The following PDE1C variants were observed in gnomAD, a reference collection of about 807,000 sequenced individuals.
The protein encoded by PDE1C is phosphodiesterase 1C, also known as dual specificity calcium/calmodulin-dependent 3',5'-cyclic nucleotide phosphodiesterase 1C.
In PDE1C, 62 loss-of-function variants were observed where a neutral mutation model predicts 93.1. The ratio of observed to expected loss-of-function variants is 0.67; its 90% CI spans 0.54 to 0.82. The LOEUF (loss-of-function observed/expected upper bound fraction) is 0.82, where lower values mean the gene tolerates loss of function less well. PDE1C is among the 40% of genes least tolerant of loss of function. The pLI, the probability that PDE1C is intolerant of heterozygous loss-of-function variation, is 0.00. For synonymous variants in PDE1C, 325 were observed against 310.1 expected, an observed-to-expected ratio of 1.05 and a Z score of -0.50; for missense variants, 742 against 884.6, an observed-to-expected ratio of 0.84 and a Z score of 2.04.
chr7:32,342,107 T>C (rs1783768977), intron 1 of PDE1C, among the ~76,000 whole-genome samples: 1 of 152,176 alleles, frequency 6.6e-6, no homozygotes, highest in East Asian at 1.9e-4. Context: ...TTGTTTGCTA[T>C]CAATATTATG....
At chr7:32,209,684 T>A in intron 1 of PDE1C, 1 of 638,304 alleles carries the variant, frequency 1.6e-6, no homozygotes, top group Non-Finnish European at 2.7e-6. Context: ...CTTTACTCCC[T>A]CCGTGTCTGT....
intron 3 of PDE1C, among the ~76,000 whole-genome samples, chr7:32,102,192 T>A (rs1022602893): frequency 5.3e-5 from 8 of 152,154 alleles, no homozygotes; most frequent in Non-Finnish European, 2.9e-5. Context: ...CTTATAGTAG[T>A]TAGAAAGGCA....
chr7:32,110,709 G>A (rs759766646), intron 3 of PDE1C, among the ~76,000 whole-genome samples: 1 of 152,132 alleles, frequency 6.6e-6, no homozygotes, highest in Non-Finnish European at 1.5e-5. Flanking sequence ...ATTGGAAGAT[G>A]ACTTTAATTG....
At chr7:31,665,561 T>C in the PDE1C span, among the ~76,000 whole-genome samples, 116,433 of 152,096 alleles carry the variant, frequency 0.77, 45,141 homozygotes, top group East Asian at 0.83. Context: ...GCAATCTCTA[T>C]GCACAAACAA....
At chr7:32,011,249 G>A (rs144083985) in intron 2 of PDE1C, among the ~76,000 whole-genome samples, 4,535 of 151,454 alleles carry the variant, frequency 0.03, 213 homozygotes, top group African/African-American at 0.1. Context: ...CTGGAGTGCA[G>A]TGGTGCAATC....
chr7:31,658,213 C>T, the PDE1C span: 1 of 1,424,212 alleles, frequency 7.0e-7, no homozygotes, highest in Non-Finnish European at 9.2e-7. Flanking sequence ...CACAGAAGAA[C>T]ACTTCCCAGA....
intron 3 of PDE1C, among the ~76,000 whole-genome samples, chr7:32,150,047 G>C (rs531758180): frequency 6.6e-6 from 1 of 152,148 alleles, no homozygotes; most frequent in African/African-American, 2.4e-5. Flanking sequence ...TCCCTCTTTG[G>C]AAGGATGTGG....
chr7:32,089,988 CT>C (rs1797376308), intron 3 of PDE1C, among the ~76,000 whole-genome samples: 2 of 152,168 alleles, frequency 1.3e-5, no homozygotes, highest in African/African-American at 4.8e-5. Context: ...ATTTTCTTGT[CT>C]TTTAAACTTA....
intron 1 of PDE1C, among the ~76,000 whole-genome samples, chr7:32,408,166 A>T (rs1785094863): frequency 6.6e-6 from 1 of 152,222 alleles, no homozygotes; most frequent in African/African-American, 2.4e-5. Flanking sequence ...AGGCTACATT[A>T]TAAAAAGAAC....
chr7:32,181,264 C>A (rs950365006), intron 2 of PDE1C, among the ~76,000 whole-genome samples: 2 of 152,096 alleles, frequency 1.3e-5, no homozygotes, highest in Non-Finnish European at 2.9e-5. Flanking sequence ...ACAAGGATAT[C>A]CAGGAACTGA....
chr7:31,851,857 A>T (rs1793380875), intron 7 of PDE1C, among the ~76,000 whole-genome samples: 1 of 152,212 alleles, frequency 6.6e-6, no homozygotes, highest in African/African-American at 2.4e-5. Context: ...AGCAGAACAC[A>T]TTTATAGAAA....
intron 2 of PDE1C, among the ~76,000 whole-genome samples, chr7:31,993,953 C>A (rs1784430353): frequency 2.0e-5 from 3 of 152,106 alleles, no homozygotes; most frequent in African/African-American, 7.2e-5. Flanking sequence ...ATATGTCTTC[C>A]CAATTTCCCT....
rs115790553 is a variant in PDE1C, at chr7:32,097,881, G to A, written c.308+71904C>T. 8.0e-3 allele frequency among the ~76,000 whole-genome samples: 1,222 copies of A among 152,216 alleles called. 15 individuals carry two copies. Among genetic ancestry groups the A allele is most frequent in the African/African-American group, 0.028 (1,153 of 41,524 alleles). Reference sequence around the variant, plus strand: ...AATAGGAACACAAGTCACAAGATAAGGAAAGGTGCTAATAATGCTGAGTGC... The same window carrying A: ...AATAGGAACACAAGTCACAAGATAAAGAAAGGTGCTAATAATGCTGAGTGC... On this transcript the variant is annotated intron_variant, in intron 3 of 18. Transcript: ENST00000396193.
chr7:32,105,810 G>A lies in PDE1C; in HGVS notation c.308+63975C>T, dbSNP rs374612003. On this transcript the variant is annotated intron_variant, in intron 3 of 18. Transcript: ENST00000396193. Reference sequence around the variant, plus strand: ...CAAAGTGCTGGGATTACAGGCGTAAGCCACCACACCTGGTCTGGAAAATTT... The same window carrying A: ...CAAAGTGCTGGGATTACAGGCGTAAACCACCACACCTGGTCTGGAAAATTT... 2.7e-4 allele frequency among the ~76,000 whole-genome samples: 41 copies of A among 150,896 alleles called. 1 individual carries two copies. The South Asian group carries it at 7.0e-3, about 26-fold the overall frequency.
intron 2 of PDE1C, among the ~76,000 whole-genome samples, chr7:32,175,486 T>C (rs553878720): frequency 6.6e-6 from 1 of 152,354 alleles, no homozygotes; most frequent in East Asian, 1.9e-4. Flanking sequence ...GTGGAGAATC[T>C]TGCCTCAGCG....
intron 2 of PDE1C, among the ~76,000 whole-genome samples, chr7:31,988,414 A>C: frequency 6.6e-6 from 1 of 152,222 alleles, no homozygotes; most frequent in East Asian, 1.9e-4. Context: ...TAACCACTCA[A>C]AAGATGACTT....
At chr7:31,876,872 A>G (rs868435459) in intron 5 of PDE1C, among the ~76,000 whole-genome samples, 1 of 152,204 alleles carries the variant, frequency 6.6e-6, no homozygotes, top group South Asian at 2.1e-4. Flanking sequence ...AGAAATGAGA[A>G]TCTGTGTATA....
intron 3 of PDE1C, among the ~76,000 whole-genome samples, chr7:32,154,302 A>C (rs1020770481): frequency 2.0e-5 from 3 of 152,184 alleles, no homozygotes; most frequent in Non-Finnish European, 2.9e-5. Context: ...TAAATAAATA[A>C]GTATAATTAA....
chr7:31,893,731 A>C (rs1798922913), intron 2 of PDE1C, among the ~76,000 whole-genome samples: 1 of 152,140 alleles, frequency 6.6e-6, no homozygotes, highest in Non-Finnish European at 1.5e-5. Flanking sequence ...TTTACAGAAG[A>C]ATTAGCAGTA....
Sources: gnomAD v4.1 joint callset for allele counts (sites outside exome capture counted in the v4.1 genomes callset) on GRCh38, gnomAD v4.1.1 for gene constraint, MANE v1.5 for transcripts, NCBI Gene and HGNC (gene_info 2026-07-23, HGNC 2026-07-21) for gene names.